The following GPR176 variants were observed in gnomAD, a reference collection of about 807,000 sequenced individuals.
The protein encoded by GPR176 is G-protein coupled receptor 176.
A neutral mutation model predicts 35.4 loss-of-function variants in GPR176; 26 were observed. The ratio of observed to expected loss-of-function variants is 0.74; its 90% CI spans 0.54 to 1.02. The LOEUF (loss-of-function observed/expected upper bound fraction) is 1.02. GPR176 is among the 50% of genes least tolerant of loss of function. The pLI, the probability that GPR176 is intolerant of heterozygous loss-of-function variation, is 0.00. For synonymous variants in GPR176, 278 were observed against 271.3 expected (o/e 1.02, Z -0.24); for missense variants, 597 against 665.3 (o/e 0.90, Z 1.13).
At chr15:39,896,394 A>C (rs1843579552) in intron 1 of GPR176, among the ~76,000 whole-genome samples, 1 of 152,258 alleles carries the variant, frequency 6.6e-6, no homozygotes, top group South Asian at 2.1e-4. Context: ...AATACTGTTT[A>C]TAATGGTCCA....
intron 1 of GPR176, among the ~76,000 whole-genome samples, chr15:39,848,407 T>C (rs548347786): frequency 1.3e-5 from 2 of 152,122 alleles, no homozygotes; most frequent in Admixed American, 1.3e-4. Flanking sequence ...CTGATAAAAC[T>C]AGACAGAAAA....
chr15:39,919,879 C>T lies in GPR176; in HGVS notation c.148G>A (p.Val50Ile). The T allele has an allele frequency of 1.3e-6, 2 of 1,482,914 alleles. No homozygotes were observed. Among genetic ancestry groups the T allele is most frequent in the Non-Finnish European group, 8.9e-7 (1 of 1,118,256 alleles). The allele number at this position is 1,482,914 out of a possible 1,614,324, so 91.9% of individuals were successfully genotyped here. A position where few individuals can be genotyped will look rare whatever the true frequency, so the allele number is the denominator to read the frequency against. The change falls in exon 1 of 3, where the codon GTC becomes ATC. Residue 50 changes from valine to isoleucine, a missense_variant. Transcript: ENST00000561100. ...CCGAGCAGCGAGCCTATGAAGATGA[C>T]GACCTGCACGGTGGTGGTGAACTGG... ...YRQFTTTVQVVIFIGSLLGNF... is the reference protein window; with the variant it reads ...YRQFTTTVQVIIFIGSLLGNF...
chr15:39,814,246 A>T (rs370906265), intron 1 of GPR176, among the ~76,000 whole-genome samples: 108 of 152,174 alleles, frequency 7.1e-4, no homozygotes, highest in African/African-American at 2.5e-3. Flanking sequence ...CTTATGTCAG[A>T]CCTCATTCTA....
At chr15:39,875,258 G>A (rs946965353) in intron 1 of GPR176, among the ~76,000 whole-genome samples, 2 of 152,082 alleles carry the variant, frequency 1.3e-5, no homozygotes, top group African/African-American at 4.8e-5. Flanking sequence ...CCACTATCTC[G>A]CTTTTTGAGC....
chr15:39,903,179 T>C (rs952353296), intron 1 of GPR176, among the ~76,000 whole-genome samples: 11 of 152,234 alleles, frequency 7.2e-5, no homozygotes, highest in Non-Finnish European at 1.3e-4. Flanking sequence ...CAAATGCATT[T>C]TCAGCTTATA....
intron 1 of GPR176, among the ~76,000 whole-genome samples, chr15:39,877,980 T>A (rs1269258710): frequency 6.6e-6 from 1 of 152,134 alleles, no homozygotes; most frequent in Non-Finnish European, 1.5e-5. Flanking sequence ...TTTACTGAAG[T>A]ATAACTGAAA....
chr15:39,896,521 T>A (rs1311118976), intron 1 of GPR176, among the ~76,000 whole-genome samples: 1 of 152,242 alleles, frequency 6.6e-6, no homozygotes, highest in African/African-American at 2.4e-5. Context: ...GAGCATTTTA[T>A]CTTATTATTA....
At chr15:39,847,470 G>T (rs899322314) in intron 1 of GPR176, among the ~76,000 whole-genome samples, 1 of 152,074 alleles carries the variant, frequency 6.6e-6, no homozygotes, top group African/African-American at 2.4e-5. Context: ...ATGAGGCCGG[G>T]CACAATGGCT....
intron 1 of GPR176, among the ~76,000 whole-genome samples, chr15:39,895,439 A>C (rs1358576046): frequency 6.6e-6 from 1 of 152,236 alleles, no homozygotes; most frequent in Non-Finnish European, 1.5e-5. Context: ...TACAATGAAC[A>C]GTTGGGCCAA....
chr15:39,806,689 A>G (rs1899208949), intron 2 of GPR176, among the ~76,000 whole-genome samples: 1 of 152,226 alleles, frequency 6.6e-6, no homozygotes, highest in South Asian at 2.1e-4. Flanking sequence ...TGAAAAATCT[A>G]CTGCAAATTG....
At chr15:39,909,493 A>G (rs983986363) in intron 1 of GPR176, among the ~76,000 whole-genome samples, 3 of 152,216 alleles carry the variant, frequency 2.0e-5, no homozygotes, top group Non-Finnish European at 4.4e-5. Context: ...CTAGTTTGAT[A>G]CAGAAGTAAA....
intron 1 of GPR176, chr15:39,807,537 A>G (rs1899275931): frequency 6.6e-7 from 1 of 1,517,708 alleles, no homozygotes; most frequent in Non-Finnish European, 8.8e-7. Flanking sequence ...GCTTAGTCTC[A>G]TCAGTGTATA....
At chr15:39,877,015 C>G (rs2032274942) in intron 1 of GPR176, among the ~76,000 whole-genome samples, 3 of 152,184 alleles carry the variant, frequency 2.0e-5, no homozygotes, top group Non-Finnish European at 4.4e-5. Context: ...TTTACTAGTT[C>G]CAGAGCTTGG....
chr15:39,820,402 A>G (rs535785014), intron 1 of GPR176, among the ~76,000 whole-genome samples: 8 of 152,334 alleles, frequency 5.3e-5, no homozygotes, highest in African/African-American at 1.9e-4. Context: ...AGCCAGCTCA[A>G]TAAGAGAATG....
chr15:39,851,695 C>T (rs2030876725), intron 1 of GPR176, among the ~76,000 whole-genome samples: 1 of 152,208 alleles, frequency 6.6e-6, no homozygotes, highest in Non-Finnish European at 1.5e-5. Flanking sequence ...GCTGCAGCCC[C>T]TGGTTGTCAT....
At chr15:39,837,713 CA>C (rs958923214) in intron 1 of GPR176, among the ~76,000 whole-genome samples, 1 of 151,984 alleles carries the variant, frequency 6.6e-6, no homozygotes, top group African/African-American at 2.4e-5. Context: ...ATCTCAACTA[CA>C]ACCTTATGAG....
rs369293282 is a variant in GPR176, at chr15:39,806,999, A to G, written c.425+7T>C. 1.8e-4 allele frequency: 285 copies of G among 1,597,992 alleles called. 1 individual carries two copies. The highest frequency in any genetic ancestry group is 2.0e-4 in the Non-Finnish European group (230 of 1,175,024). On this transcript the variant is annotated splice_region_variant and intron_variant, in intron 2 of 2. Coordinates refer to ENST00000561100, the MANE Select transcript of GPR176 (RefSeq NM_007223.3). ...AAAAAAGTTAGCTCCTGGCTACCTG[A>G]TCTTACCTGTCCAAAGCAATAGCAG...
At chr15:39,802,656 T>C (rs1898959985) in intron 2 of GPR176, among the ~76,000 whole-genome samples, 2 of 152,232 alleles carry the variant, frequency 1.3e-5, no homozygotes, top group African/African-American at 2.4e-5. Flanking sequence ...GGGTAATTGG[T>C]AAACAATTTT....
chr15:39,878,408 T>C (rs1283250514), intron 1 of GPR176, among the ~76,000 whole-genome samples: 1 of 151,220 alleles, frequency 6.6e-6, no homozygotes, highest in Non-Finnish European at 1.5e-5. Context: ...CTTAGCACAA[T>C]GTCCTCCAGG....
Sources: allele counts gnomAD v4.1 joint callset (sites outside exome capture counted in the v4.1 genomes callset), GRCh38; gene constraint gnomAD v4.1.1; transcripts MANE v1.5; gene names NCBI Gene and HGNC (gene_info 2026-07-23, HGNC 2026-07-21).